PPARGC1A: variants seen among roughly 807,000 people sequenced by gnomAD.
The protein encoded by PPARGC1A is PPARG coactivator 1 alpha.
PPARGC1A carries 25 observed loss-of-function variants against 88.7 expected under a neutral mutation model. The observed-to-expected ratio is 0.28, with a 90% CI of 0.21 to 0.39. The LOEUF is 0.39. Ranked by LOEUF, PPARGC1A falls within the 10% of genes least tolerant of loss-of-function variation. The probability of loss-of-function intolerance (pLI) is 1.00; values close to 1 mark genes in which losing one functional copy is unlikely to be tolerated. For missense variants in PPARGC1A, 880 were observed against 968.7 expected (o/e 0.91, Z 1.22); for synonymous variants, 363 against 355.6 (o/e 1.02, Z -0.24).
At chr4:24,022,871 T>C in the PPARGC1A span, among the ~76,000 whole-genome samples, 1 of 152,166 alleles carries the variant, frequency 6.6e-6, no homozygotes, top group African/African-American at 2.4e-5. Flanking sequence ...GTTAACCGTA[T>C]CAGAACCTAA....
the PPARGC1A span, among the ~76,000 whole-genome samples, chr4:24,057,824 C>T: frequency 5.3e-5 from 8 of 152,278 alleles, no homozygotes; most frequent in East Asian, 3.9e-4. Context: ...GTGGTGGTGG[C>T]GAGACACAGC....
intron 7 of PPARGC1A, among the ~76,000 whole-genome samples, chr4:23,817,476 C>T (rs978445431): frequency 2.0e-5 from 3 of 152,032 alleles, no homozygotes. Context: ...ACTTCACAAT[C>T]GATTTTAATA....
the PPARGC1A span, among the ~76,000 whole-genome samples, chr4:23,912,322 C>A: frequency 6.6e-5 from 10 of 152,100 alleles, no homozygotes; most frequent in Non-Finnish European, 1.5e-4. Context: ...CCAAGGCTTT[C>A]TGTGTCTCAG....
intron 12 of PPARGC1A, 85 bp from the exon 13 acceptor site, chr4:23,796,010 G>C (rs1455876997): frequency 2.2e-6 from 2 of 897,136 alleles, no homozygotes; most frequent in Non-Finnish European, 3.6e-6. Flanking sequence ...TACTGGATTC[G>C]ATAACAACTC....
the PPARGC1A span, among the ~76,000 whole-genome samples, chr4:23,933,149 G>A: frequency 1.3e-5 from 2 of 151,970 alleles, no homozygotes; most frequent in Admixed American, 1.3e-4. Context: ...TTTAAGTAGG[G>A]GCCATTCCCT....
chr4:23,900,713 A>G (rs1253971598), upstream of PPARGC1A, among the ~76,000 whole-genome samples: 5 of 152,202 alleles, frequency 3.3e-5, no homozygotes, highest in East Asian at 7.7e-4. Context: ...TCGACTTTCT[A>G]TGAGGGACAG....
the PPARGC1A span, among the ~76,000 whole-genome samples, chr4:24,346,851 G>A: frequency 6.6e-6 from 1 of 151,888 alleles, no homozygotes; most frequent in African/African-American, 2.4e-5. Flanking sequence ...AGTTCCTTGA[G>A]GTATGACCTT....
the PPARGC1A span, among the ~76,000 whole-genome samples, chr4:24,435,916 C>T: frequency 2.0e-5 from 3 of 152,154 alleles, no homozygotes; most frequent in Non-Finnish European, 4.4e-5. Context: ...GGGCCTCAGT[C>T]GCTAATACTG....
At chr4:24,152,772 A>G in the PPARGC1A span, among the ~76,000 whole-genome samples, 1 of 152,348 alleles carries the variant, frequency 6.6e-6, no homozygotes, top group African/African-American at 2.4e-5. Flanking sequence ...TTAACTCTGT[A>G]TCAAGCACTC....
chr4:23,869,847 T>C (rs1442828269), intron 2 of PPARGC1A, among the ~76,000 whole-genome samples: 1 of 152,142 alleles, frequency 6.6e-6, no homozygotes, highest in Non-Finnish European at 1.5e-5. Context: ...TCTAAAGTAA[T>C]GTGGGAAATT....
At chr4:24,472,613 C>G in the PPARGC1A span, among the ~76,000 whole-genome samples, 1 of 152,164 alleles carries the variant, frequency 6.6e-6, no homozygotes, top group Non-Finnish European at 1.5e-5. The surrounding 1 kb of genome is among the most constrained non-coding windows in gnomAD (Gnocchi z 4.5). Context: ...GCAAAGGGAA[C>G]GGAAACTCTC....
the PPARGC1A span, among the ~76,000 whole-genome samples, chr4:24,427,325 G>A: frequency 6.7e-6 from 1 of 148,730 alleles, no homozygotes; most frequent in East Asian, 2.0e-4. Flanking sequence ...CTGCTACCCA[G>A]GCTAGAGTGC....
chr4:24,012,708 G>A, the PPARGC1A span, among the ~76,000 whole-genome samples: 2 of 152,138 alleles, frequency 1.3e-5, no homozygotes, highest in African/African-American at 4.8e-5. Flanking sequence ...TACTCATTCA[G>A]ATCAGGTGGG....
the PPARGC1A span, among the ~76,000 whole-genome samples, chr4:24,188,156 A>ATCCCAGCACTTTGGGAGGCC: frequency 1.3e-5 from 2 of 151,724 alleles, no homozygotes; most frequent in African/African-American, 4.9e-5. Flanking sequence ...GAACTGAGGA[A>ATCCCAGCACTTTGGGAGGCC]GAGCAACACA....
chr4:24,055,989 G>C, the PPARGC1A span, among the ~76,000 whole-genome samples: 1 of 152,132 alleles, frequency 6.6e-6, no homozygotes, highest in African/African-American at 2.4e-5. Context: ...AAGTTTGTTT[G>C]GTTTGTTCTT....
the PPARGC1A span, among the ~76,000 whole-genome samples, chr4:24,371,242 A>G: frequency 6.6e-6 from 1 of 152,202 alleles, no homozygotes; most frequent in East Asian, 1.9e-4. Context: ...CAATAAACAT[A>G]CATGTGCATG....
chr4:24,313,614 CAA>C, the PPARGC1A span, among the ~76,000 whole-genome samples: 1 of 152,146 alleles, frequency 6.6e-6, no homozygotes, highest in Non-Finnish European at 1.5e-5. Context: ...ACTGGTTGAT[CAA>C]AAGTCAAACA....
At chr4:24,189,315 T>G in the PPARGC1A span, among the ~76,000 whole-genome samples, 25 of 152,242 alleles carry the variant, frequency 1.6e-4, 1 homozygote, top group African/African-American at 6.0e-4. Context: ...TATGTGTATT[T>G]TATCATAATA....
the PPARGC1A span, among the ~76,000 whole-genome samples, chr4:24,013,647 T>C: frequency 1.3e-5 from 2 of 152,182 alleles, no homozygotes; most frequent in South Asian, 2.1e-4. Flanking sequence ...CTTGCTGTCA[T>C]ATGAATTCTG....
Sources: allele counts gnomAD v4.1 joint callset (sites outside exome capture counted in the v4.1 genomes callset), GRCh38; gene constraint gnomAD v4.1.1; non-coding constraint Gnocchi (gnomAD v3.1); transcripts MANE v1.5; gene names NCBI Gene and HGNC (gene_info 2026-07-23, HGNC 2026-07-21).